The following PARP14 variants were observed in gnomAD, a reference collection of about 807,000 sequenced individuals.
PARP14 encodes the protein poly(ADP-ribose) polymerase family member 14, also known as protein mono-ADP-ribosyltransferase PARP14.
PARP14 carries 59 observed loss-of-function variants against 154.2 expected under a neutral mutation model. The ratio of observed to expected loss-of-function variants is 0.38; its 90% CI spans 0.31 to 0.48. The LOEUF (loss-of-function observed/expected upper bound fraction) is 0.48. PARP14 is among the 20% of genes least tolerant of loss of function. The pLI, the probability that PARP14 is intolerant of heterozygous loss-of-function variation, is 0.98. For synonymous variants in PARP14, 720 were observed against 780.5 expected (o/e 0.92, Z 1.29); for missense variants, 1,734 against 2,131.6 (o/e 0.81, Z 3.67).
intron 3 of PARP14, among the ~76,000 whole-genome samples, chr3:122,691,248 C>A (rs1056281201): frequency 6.6e-6 from 1 of 152,190 alleles, no homozygotes; most frequent in Admixed American, 6.5e-5. Flanking sequence ...ATTCTTACTT[C>A]TCCTTACATC....
chr3:122,728,766 G>T lies in PARP14; in HGVS notation c.*169G>T. ...TCAGCTTCCCTTTCATAATGGAAAT[G>T]AACTTATTATCTTGAGAGCAAATAA... On this transcript the variant is annotated 3_prime_UTR_variant, in exon 17 of 17. Coordinates refer to ENST00000474629, the MANE Select transcript of PARP14 (RefSeq NM_017554.3). The T allele has an allele frequency of 1.7e-6, 1 of 596,256 alleles. No individual in the cohort carries two copies. The highest frequency in any genetic ancestry group is 2.9e-6 in the Non-Finnish European group (1 of 339,532). 36.9% of individuals were successfully genotyped at this position (596,256 alleles called of 1,614,324 possible).
At chr3:122,684,792 A>C (rs1374330443) in intron 1 of PARP14, among the ~76,000 whole-genome samples, 1 of 152,084 alleles carries the variant, frequency 6.6e-6, no homozygotes, top group Non-Finnish European at 1.5e-5. Context: ...CTTTAATTTA[A>C]TTCACTTCAA....
At chr3:122,687,134 A>C (rs1170134650) in intron 3 of PARP14, 21 bp downstream of exon 3, 1 of 1,568,804 alleles carries the variant, frequency 6.4e-7, no homozygotes, top group African/African-American at 1.3e-5. Context: ...AGTTGAGATG[A>C]CTCTGACATT....
chr3:122,682,942 C>T (rs1938259549), intron 1 of PARP14, among the ~76,000 whole-genome samples: 1 of 152,150 alleles, frequency 6.6e-6, no homozygotes. Context: ...ATAGTCCCAG[C>T]TACTCAGGAG....
intron 9 of PARP14, among the ~76,000 whole-genome samples, chr3:122,709,892 G>GTTT (rs146839683): frequency 8.2e-5 from 12 of 145,630 alleles, no homozygotes; most frequent in Non-Finnish European, 1.5e-4. Flanking sequence ...GGGATTATTT[G>GTTT]TTTTTTTTTT....
intron 3 of PARP14, among the ~76,000 whole-genome samples, chr3:122,690,935 C>T (rs1173734298): frequency 6.6e-6 from 1 of 152,152 alleles, no homozygotes; most frequent in East Asian, 1.9e-4. Context: ...CCCTTTGACA[C>T]CATTATCTTT....
rs758907992 is a variant in PARP14 at position 122,713,576 on chromosome 3, A to G, written c.3769+3A>G. On this transcript the variant is annotated splice_donor_region_variant and intron_variant, in intron 10 of 16. Coordinates refer to ENST00000474629, the MANE Select transcript of PARP14 (RefSeq NM_017554.3). ...AAACTCATTCAATCTCAAAGCAGGT[A>G]CTTGTACAATTTTGATGAGTGCAAT... The G allele has an allele frequency of 1.1e-5, 17 of 1,612,844 alleles. No individual in the cohort carries two copies. The highest frequency in any genetic ancestry group is 1.4e-5 in the Non-Finnish European group (16 of 1,179,044).
intron 15 of PARP14, among the ~76,000 whole-genome samples, chr3:122,725,062 A>G (rs932383878): frequency 3.3e-5 from 5 of 152,220 alleles, no homozygotes; most frequent in African/African-American, 7.2e-5. Context: ...CTACACAGAC[A>G]CAGTAACAAT....
Position 122,699,885 on chromosome 3 carries a change from G to A in PARP14, c.1331G>A (p.Ser444Asn), listed in dbSNP as rs1378292392. The A allele has an allele frequency of 3.1e-6, 5 of 1,613,948 alleles. No homozygotes were observed. The highest frequency in any genetic ancestry group is 1.6e-4 in the Middle Eastern group (1 of 6,062). The change falls in exon 6 of 17, where the codon AGC becomes AAC. Residue 444 changes from serine to asparagine, a missense_variant. This residue lies in a region of PARP14 where 1,646 missense variants were observed against 1,976.0 expected (regional missense o/e 0.83). Coordinates refer to ENST00000474629, the MANE Select transcript of PARP14 (RefSeq NM_017554.3). ...ILAGKSEDVQ[S>N]IEVQVRELIE... ...GCAGGGAAATCAGAGGATGTCCAAAGCATTGAGGTACAAGTCAGGGAGTTA... is the reference window on the plus strand; with the variant it reads ...GCAGGGAAATCAGAGGATGTCCAAAACATTGAGGTACAAGTCAGGGAGTTA...
rs1368768853 is a variant in PARP14 at position 122,718,841 on chromosome 3, A to G, written c.4690A>G (p.Lys1564Glu). The G allele has an allele frequency of 6.2e-7, 1 of 1,613,820 alleles. No homozygotes were observed. Among genetic ancestry groups the G allele is most frequent in the Non-Finnish European group, 8.5e-7 (1 of 1,179,842 alleles). Reference sequence around the variant, plus strand: ...ATTAGAGGATGCAAGGAGAGAAAAGAAAAAAACAGTTGATGTCAAAATTAA... The same window carrying G: ...ATTAGAGGATGCAAGGAGAGAAAAGGAAAAAACAGTTGATGTCAAAATTAA... ...LKLEDARREK[K>E]KTVDVKINHR... Residue 1564 changes from lysine (K) to glutamate (E), a missense_variant, in exon 14 of 17, where the codon AAA (lysine) becomes GAA (glutamate). By Grantham distance (56) the Lys-to-Glu change is moderately conservative. Coordinates refer to ENST00000474629, the MANE Select transcript of PARP14 (RefSeq NM_017554.3).
chr3:122,718,559 A>T lies in PARP14; in HGVS notation c.4408A>T (p.Lys1470Ter). ...EDECIKDFDE[K>*]EYQELNELQK... is the part of the protein sequence containing the mutation. ...TGAGTGCATCAAAGACTTTGATGAA[A>T]AGGAGTATCAGGAGTTGAATGAGCT... The change falls in exon 14 of 17, where the codon AAG becomes TAG. Residue 1470 changes from lysine to a stop codon, truncating the protein, a stop_gained. Transcript: ENST00000474629. LOFTEE classifies it high-confidence loss of function. 6.2e-7 allele frequency: 1 copy of T among 1,613,868 alleles called. No homozygotes were observed. The highest frequency in any genetic ancestry group is 8.5e-7 in the Non-Finnish European group (1 of 1,179,766).
chr3:122,725,799 G>A (rs189226381), intron 15 of PARP14, among the ~76,000 whole-genome samples: 14 of 152,076 alleles, frequency 9.2e-5, no homozygotes, highest in African/African-American at 3.4e-4. Context: ...TGATATGTTT[G>A]GGTTTAAATG....
intron 1 of PARP14, 129 bp from the exon 2 acceptor site, chr3:122,685,056 A>G: frequency 2.2e-6 from 2 of 916,336 alleles, no homozygotes; most frequent in Non-Finnish European, 3.3e-6. Context: ...TTTACTTCAC[A>G]TATAGCCTCT....
chr3:122,694,580 G>A (rs1419549587), intron 4 of PARP14, among the ~76,000 whole-genome samples: 1 of 152,094 alleles, frequency 6.6e-6, no homozygotes, highest in Non-Finnish European at 1.5e-5. Flanking sequence ...TGTCGCCCAG[G>A]CTGGAATGCA....
At chr3:122,688,170 T>C (rs1938431293) in intron 3 of PARP14, among the ~76,000 whole-genome samples, 2 of 152,180 alleles carry the variant, frequency 1.3e-5, no homozygotes, top group Non-Finnish European at 2.9e-5. Flanking sequence ...GTGTTTGTCG[T>C]TGGGATCTCC....
chr3:122,698,555 G>A lies in PARP14; in HGVS notation c.836-835G>A, dbSNP rs553885986. 1.7e-4 allele frequency among the ~76,000 whole-genome samples: 26 copies of A among 152,300 alleles called. No individual in the cohort carries two copies. The South Asian group carries it at 2.3e-3, about 13-fold the overall frequency. On this transcript the variant is annotated intron_variant, in intron 5 of 16. Coordinates refer to ENST00000474629, the MANE Select transcript of PARP14 (RefSeq NM_017554.3). ...TTGGTAGAGGGGCAAGAGGATGGGC[G>A]TTGGGGTTGGACAACCACTGAATCT...
chr3:122,707,336 G>A (rs1371900292), intron 8 of PARP14, among the ~76,000 whole-genome samples: 6 of 150,830 alleles, frequency 4.0e-5, no homozygotes, highest in Non-Finnish European at 8.8e-5. Flanking sequence ...AACCAAGATT[G>A]TGCCACTACA....
intron 3 of PARP14, among the ~76,000 whole-genome samples, chr3:122,689,348 G>T (rs1269202485): frequency 6.6e-6 from 1 of 152,112 alleles, no homozygotes; most frequent in Non-Finnish European, 1.5e-5. Context: ...TGGAGAGAGG[G>T]TTTCATTCTG....
At position 122,681,962 on chromosome 3, in the gene PARP14, G is replaced by T. The variant is rs1170062362; in HGVS notation, c.187+892G>T. 6.6e-6 allele frequency among the ~76,000 whole-genome samples: 1 copy of T among 152,160 alleles called. No homozygotes were observed. Among genetic ancestry groups the T allele is most frequent in the African/African-American group, 2.4e-5 (1 of 41,424 alleles). ...CAACCCCTAATTCCGCTTTCATGTC[G>T]CTAGATTTGGAGAAGCATTCGGGCC... On this transcript the variant is annotated intron_variant, in intron 1 of 16. Coordinates refer to ENST00000474629, the MANE Select transcript of PARP14 (RefSeq NM_017554.3). The surrounding 1 kb of genome is among the most constrained non-coding windows in gnomAD (Gnocchi z 5.5).
Sources: gnomAD v4.1 joint callset for allele counts (sites outside exome capture counted in the v4.1 genomes callset) on GRCh38, gnomAD v4.1.1 for gene constraint, gnomAD v4.1.1 regional missense constraint, Gnocchi (gnomAD v3.1) non-coding constraint, MANE v1.5 for transcripts, NCBI Gene and HGNC (gene_info 2026-07-23, HGNC 2026-07-21) for gene names.